Variants in PAN3 observed in about 807,000 individuals in gnomAD.
The protein encoded by PAN3 is PAN2-PAN3 deadenylation complex subunit PAN3.
PAN3 carries 19 observed loss-of-function variants against 96.2 expected under a neutral mutation model. The observed-to-expected ratio is 0.20, with a 90% CI of 0.14 to 0.29. The LOEUF is 0.29. Ranked by LOEUF, PAN3 falls within the 10% of genes least tolerant of loss-of-function variation. The pLI is 1.00. For synonymous variants in PAN3, 433 were observed against 406.6 expected (o/e 1.06, Z -0.78); for missense variants, 882 against 1,108.1 (o/e 0.80, Z 2.90).
intron 15 of PAN3, among the ~76,000 whole-genome samples, chr13:28,279,113 G>A (rs1011910517): frequency 4.6e-5 from 7 of 151,780 alleles, no homozygotes; most frequent in Non-Finnish European, 1.0e-4. Context: ...TCATGAGAAA[G>A]GGCAGAGAAT....
intron 6 of PAN3, among the ~76,000 whole-genome samples, chr13:28,222,790 G>T (rs1321433978): frequency 6.6e-6 from 1 of 152,114 alleles, no homozygotes; most frequent in African/African-American, 2.4e-5. Context: ...TATTATAGGT[G>T]TAACTCATTG....
intron 1 of PAN3, among the ~76,000 whole-genome samples, chr13:28,158,200 A>G (rs111914148): frequency 0.018 from 2,771 of 152,328 alleles, 72 homozygotes; most frequent in African/African-American, 0.063. Context: ...AAATTAACTC[A>G]TGGTGGATTA....
At chr13:28,272,414 G>A (rs906605528) in intron 14 of PAN3, 5 of 172,496 alleles carry the variant, frequency 2.9e-5, no homozygotes, top group African/African-American at 1.2e-4. Flanking sequence ...CTACAGATGT[G>A]CACTACTGTG....
intron 14 of PAN3, among the ~76,000 whole-genome samples, chr13:28,273,377 A>G (rs7328561): frequency 0.29 from 43,589 of 152,030 alleles, 8,792 homozygotes; most frequent in African/African-American, 0.57. Flanking sequence ...TGAGGTGGGC[A>G]GATCACTTGA....
rs569960318 is a variant in PAN3, at chr13:28,193,914, T to C, written c.691-3271T>C. On this transcript the variant is annotated intron_variant, in intron 4 of 18. Transcript: ENST00000380958. ...GCTCATGCCTGTAATCCCAGCACTT[T>C]GGGAGGCCGAGGCAGGTGGATCACC... is the stretch of plus-strand genomic sequence containing the variant. Among the ~76,000 whole-genome samples, 39 of 152,052 alleles carry C rather than the reference T, an allele frequency of 2.6e-4. No homozygotes were observed. In the South Asian group the frequency reaches 6.7e-3, roughly 26 times the overall value.
rs148852368 is a variant in PAN3, at chr13:28,249,531, C to T, written c.1001-6761C>T. ...TGGCGTGACCTCGGCTCACCACAGC[C>T]TCCACCTCCTGGGTTCAAGTGATTC... is the stretch of plus-strand genomic sequence containing the variant. On this transcript the variant is annotated intron_variant, in intron 6 of 18. Transcript: ENST00000380958. Among the ~76,000 whole-genome samples the T allele has an allele frequency of 6.8e-3, 1,038 of 152,180 alleles. 10 individuals are homozygous for T. The highest frequency in any genetic ancestry group is 0.024 in the African/African-American group (1,003 of 41,504).
chr13:28,220,106 A>T (rs1881243379), intron 5 of PAN3, 125 bp from the exon 6 acceptor site: 1 of 924,356 alleles, frequency 1.1e-6, no homozygotes, highest in African/African-American at 1.7e-5. Context: ...AACCGAAAAC[A>T]CTTGTTAATC....
chr13:28,283,616 G>A (rs192641590), intron 17 of PAN3, among the ~76,000 whole-genome samples: 244 of 152,106 alleles, frequency 1.6e-3, no homozygotes, highest in African/African-American at 5.5e-3. Context: ...TCATAACAGC[G>A]TGTTTTAGAA....
At position 28,292,492 on chromosome 13, in the gene PAN3, A is replaced by G. The variant is rs1181846821; in HGVS notation, c.2634A>G (p.Glu878=). ...LKRCFENTFQ[E]LIAAANGQL is the part of the protein sequence containing the mutation. ...GCTGCTTTGAAAATACTTTTCAAGA[A>G]CTGATTGCAGCTGCAAATGGTCAGT... Residue 878 remains glutamate (E), a synonymous_variant, in exon 19 of 19, where the codon GAA becomes GAG. Coordinates refer to ENST00000380958, the MANE Select transcript of PAN3 (RefSeq NM_175854.8). 37 of 1,612,366 alleles carry G rather than the reference A, an allele frequency of 2.3e-5. No individual in the cohort carries two copies. The highest frequency in any genetic ancestry group is 2.8e-5 in the Non-Finnish European group (33 of 1,179,436).
chr13:28,210,250 G>C (rs1879874635), intron 5 of PAN3, among the ~76,000 whole-genome samples: 1 of 152,162 alleles, frequency 6.6e-6, no homozygotes, highest in South Asian at 2.1e-4. Flanking sequence ...TATGTACAGA[G>C]AATTGCTTTA....
At chr13:28,271,229 A>G (rs1886596878) in intron 13 of PAN3, among the ~76,000 whole-genome samples, 1 of 152,200 alleles carries the variant, frequency 6.6e-6, no homozygotes, top group Admixed American at 6.5e-5. Context: ...CTACCCCCAG[A>G]GATTTTCATT....
chr13:28,223,569 T>A (rs1395442214), intron 6 of PAN3, among the ~76,000 whole-genome samples: 1 of 152,054 alleles, frequency 6.6e-6, no homozygotes, highest in Non-Finnish European at 1.5e-5. Context: ...TTGTTTTTTG[T>A]TTTTTGTTTT....
chr13:28,239,162 A>ACACACAC (rs145212573), intron 6 of PAN3, among the ~76,000 whole-genome samples: 11 of 76,810 alleles, frequency 1.4e-4, no homozygotes, highest in Admixed American at 5.2e-4. Flanking sequence ...CACCCCCGCC[A>ACACACAC]ACACACACAC....
At chr13:28,234,430 A>G (rs945178150) in intron 6 of PAN3, among the ~76,000 whole-genome samples, 11 of 152,202 alleles carry the variant, frequency 7.2e-5, no homozygotes, top group Non-Finnish European at 1.6e-4. Context: ...TTGTATGATT[A>G]TGAAGATACT....
intron 6 of PAN3, among the ~76,000 whole-genome samples, chr13:28,224,859 G>A (rs1276301410): frequency 6.6e-6 from 1 of 152,092 alleles, no homozygotes; most frequent in African/African-American, 2.4e-5. Flanking sequence ...AGCCTCAAGT[G>A]ATCCTTTCTC....
intron 14 of PAN3, among the ~76,000 whole-genome samples, chr13:28,276,414 T>C (rs1887063437): frequency 6.6e-6 from 1 of 152,220 alleles, no homozygotes; most frequent in Non-Finnish European, 1.5e-5. Flanking sequence ...TGGTTGTTAA[T>C]AGCTTCCTAC....
intron 4 of PAN3, among the ~76,000 whole-genome samples, chr13:28,183,622 G>A (rs1006890175): frequency 1.3e-5 from 2 of 152,128 alleles, no homozygotes; most frequent in African/African-American, 2.4e-5. Flanking sequence ...AGAGCCTCTT[G>A]GAGAATTTTA....
intron 5 of PAN3, among the ~76,000 whole-genome samples, chr13:28,212,451 T>C (rs1011051355): frequency 6.6e-6 from 1 of 152,096 alleles, no homozygotes. Context: ...TTATTTACCA[T>C]GTAATTAAAA....
intron 13 of PAN3, among the ~76,000 whole-genome samples, chr13:28,271,608 A>G (rs1245132633): frequency 6.6e-6 from 1 of 152,224 alleles, no homozygotes; most frequent in Non-Finnish European, 1.5e-5. Flanking sequence ...TGAGTCATGT[A>G]AAATGCTTAG....
Sources: gnomAD v4.1 joint callset for allele counts (sites outside exome capture counted in the v4.1 genomes callset) on GRCh38, gnomAD v4.1.1 for gene constraint, MANE v1.5 for transcripts, NCBI Gene and HGNC (gene_info 2026-07-23, HGNC 2026-07-21) for gene names.